DPYD: variants seen among roughly 807,000 people sequenced by gnomAD.
The protein encoded by DPYD is dihydropyrimidine dehydrogenase [NADP(+)].
In DPYD, 109 loss-of-function variants were observed where a neutral mutation model predicts 116.2. The ratio of observed to expected loss-of-function variants is 0.94; its 90% CI spans 0.80 to 1.10. The LOEUF is 1.10. DPYD is among the 50% of genes least tolerant of loss of function. The pLI, the probability that DPYD is intolerant of heterozygous loss-of-function variation, is 0.00. For synonymous variants in DPYD, 440 were observed against 432.0 expected, an observed-to-expected ratio of 1.02 and a Z score of -0.23; for missense variants, 1,302 against 1,254.5, an observed-to-expected ratio of 1.04 and a Z score of -0.57.
At chr1:97,423,699 A>T (rs1190859389) in intron 14 of DPYD, among the ~76,000 whole-genome samples, 1 of 152,092 alleles carries the variant, frequency 6.6e-6, no homozygotes, top group Non-Finnish European at 1.5e-5. Context: ...CAAATCATGC[A>T]TTCAGACAAT....
At chr1:97,753,556 T>G (rs1163979091) in intron 3 of DPYD, among the ~76,000 whole-genome samples, 1 of 152,068 alleles carries the variant, frequency 6.6e-6, no homozygotes, top group Non-Finnish European at 1.5e-5. Context: ...AAATAACACA[T>G]TAAAACCAAG....
chr1:97,868,486 G>C (rs543294629), intron 2 of DPYD, among the ~76,000 whole-genome samples: 33 of 151,698 alleles, frequency 2.2e-4, no homozygotes, highest in Admixed American at 7.2e-4. Context: ...CCAATATTTA[G>C]GTAAAACTAA....
At chr1:97,658,316 T>C (rs1279716871) in intron 8 of DPYD, among the ~76,000 whole-genome samples, 4 of 152,130 alleles carry the variant, frequency 2.6e-5, no homozygotes, top group Non-Finnish European at 4.4e-5. Context: ...AATCTGCAAA[T>C]GCTGATCAAA....
intron 12 of DPYD, among the ~76,000 whole-genome samples, chr1:97,517,979 C>T (rs1215104795): frequency 6.6e-6 from 1 of 152,082 alleles, no homozygotes. Context: ...CATTAGGCAA[C>T]AGCCCAAGGA....
chr1:97,567,935 G>T (rs573015153), intron 11 of DPYD, among the ~76,000 whole-genome samples: 1 of 151,742 alleles, frequency 6.6e-6, no homozygotes, highest in African/African-American at 2.4e-5. Flanking sequence ...GGTTTGTTAC[G>T]TATGTATACA....
intron 16 of DPYD, among the ~76,000 whole-genome samples, chr1:97,333,859 G>T (rs1442781650): frequency 6.6e-6 from 1 of 152,004 alleles, no homozygotes; most frequent in East Asian, 1.9e-4. Flanking sequence ...ATGGGTCCTA[G>T]CCAAAAAAGA....
chr1:97,669,596 G>C (rs1251125178), intron 8 of DPYD, among the ~76,000 whole-genome samples: 1 of 152,112 alleles, frequency 6.6e-6, no homozygotes, highest in African/African-American at 2.4e-5. Flanking sequence ...CTTTGGTCTT[G>C]CTTTAGAGTA....
chr1:97,481,198 T>C (rs1215032279), intron 13 of DPYD, among the ~76,000 whole-genome samples: 6 of 152,072 alleles, frequency 3.9e-5, no homozygotes, highest in Non-Finnish European at 7.4e-5. Context: ...ACCTTACTAA[T>C]AGAAAAATGC....
chr1:97,085,757 T>C (rs566953435), intron 21 of DPYD, among the ~76,000 whole-genome samples: 1 of 152,316 alleles, frequency 6.6e-6, no homozygotes, highest in East Asian at 1.9e-4. Flanking sequence ...GCCCCTCTTG[T>C]ACACACATCT....
At chr1:97,519,291 T>C (rs773539750) in intron 12 of DPYD, among the ~76,000 whole-genome samples, 1 of 152,144 alleles carries the variant, frequency 6.6e-6, no homozygotes, top group Non-Finnish European at 1.5e-5. Flanking sequence ...ACATCTTACA[T>C]GGATGACAGC....
intron 16 of DPYD, among the ~76,000 whole-genome samples, chr1:97,361,952 A>G (rs983885258): frequency 1.3e-5 from 2 of 152,256 alleles, no homozygotes; most frequent in African/African-American, 4.8e-5. Flanking sequence ...AGTTCTGGCC[A>G]GGGCCATCAG....
chr1:97,448,616 C>A (rs1340932993), intron 14 of DPYD, among the ~76,000 whole-genome samples: 1 of 142,214 alleles, frequency 7.0e-6, no homozygotes, highest in Non-Finnish European at 1.5e-5. Flanking sequence ...TATAGTTGAT[C>A]TTTTTTTTTT....
chr1:97,821,898 T>C (rs1363878633), intron 3 of DPYD, among the ~76,000 whole-genome samples: 1 of 152,036 alleles, frequency 6.6e-6, no homozygotes, highest in Non-Finnish European at 1.5e-5. Context: ...CTCATATAAA[T>C]CCTAGGAGAT....
At chr1:97,415,105 C>A (rs1401880661) in intron 14 of DPYD, among the ~76,000 whole-genome samples, 2 of 152,000 alleles carry the variant, frequency 1.3e-5, no homozygotes, top group African/African-American at 4.8e-5. Context: ...GAAAAACAAA[C>A]AAACAAAACC....
intron 19 of DPYD, among the ~76,000 whole-genome samples, chr1:97,210,749 G>A (rs1413496099): frequency 6.6e-6 from 1 of 152,066 alleles, no homozygotes; most frequent in Non-Finnish European, 1.5e-5. Flanking sequence ...TGTTTCCTAG[G>A]CATCTTAACT....
rs1663009977 is a variant in DPYD, at chr1:97,250,411, C to T, written c.2300-15417G>A. Among the ~76,000 whole-genome samples the T allele has an allele frequency of 2.0e-5, 3 of 152,040 alleles. No homozygotes were observed. The South Asian group carries it at 6.2e-4, about 31-fold the overall frequency. On this transcript the variant is annotated intron_variant, in intron 18 of 22. Transcript: ENST00000370192. ...CTAGATATTCACTCAACAGTGAAAA[C>T]AGAACTAAAAAAGTATATGTACAAA...
At chr1:97,874,975 T>A (rs1464256949) in intron 2 of DPYD, among the ~76,000 whole-genome samples, 1 of 151,940 alleles carries the variant, frequency 6.6e-6, no homozygotes, top group Admixed American at 6.6e-5. Context: ...GAAACTGTGA[T>A]AAAATATGCA....
intron 14 of DPYD, among the ~76,000 whole-genome samples, chr1:97,384,465 T>C (rs1672195912): frequency 1.3e-5 from 2 of 152,048 alleles, no homozygotes; most frequent in South Asian, 4.2e-4. Flanking sequence ...AGCATGGTAT[T>C]TGGCACGTAT....
chr1:97,490,492 T>A (rs182122339), intron 13 of DPYD, among the ~76,000 whole-genome samples: 306 of 147,928 alleles, frequency 2.1e-3, no homozygotes, highest in African/African-American at 7.1e-3. Flanking sequence ...GTGTTATAAT[T>A]ACTAATAATT....
Sources: allele counts gnomAD v4.1 joint callset (sites outside exome capture counted in the v4.1 genomes callset), GRCh38; gene constraint gnomAD v4.1.1; transcripts MANE v1.5; gene names NCBI Gene and HGNC (gene_info 2026-07-23, HGNC 2026-07-21).